Variants in NXPE4 observed in about 807,000 individuals in gnomAD.
NXPE4 encodes the protein NXPE family member 4.
A neutral mutation model predicts 33.3 loss-of-function variants in NXPE4; 42 were observed. That is an observed-to-expected ratio of 1.26 (90% CI 0.98 to 1.63). NXPE4 has a LOEUF of 1.63. Ranked by LOEUF, NXPE4 falls within the 40% of genes most tolerant of loss-of-function variation. The pLI, the probability that NXPE4 is intolerant of heterozygous loss-of-function variation, is 0.00. For synonymous variants in NXPE4, 253 were observed against 234.9 expected, an observed-to-expected ratio of 1.08 and a Z score of -0.71; for missense variants, 709 against 647.6, an observed-to-expected ratio of 1.09 and a Z score of -1.03.
chr11:114,638,223 A>G, the NXPE4 span, among the ~76,000 whole-genome samples: 1 of 151,850 alleles, frequency 6.6e-6, no homozygotes, highest in Non-Finnish European at 1.5e-5. Context: ...TTCGTCTTTC[A>G]TCACTGATAC....
At chr11:114,578,268 A>G (rs1352909281) in intron 5 of NXPE4, among the ~76,000 whole-genome samples, 6 of 152,194 alleles carry the variant, frequency 3.9e-5, no homozygotes, top group African/African-American at 1.4e-4. Context: ...CTTCCAACTT[A>G]CTTCAGTTTT....
chr11:114,576,473 G>C (rs185110280), intron 5 of NXPE4, among the ~76,000 whole-genome samples: 39 of 151,866 alleles, frequency 2.6e-4, no homozygotes, highest in Admixed American at 1.3e-4. Context: ...CTCATATCCA[G>C]AATCTACAAA....
At chr11:114,580,976 A>G (rs1335783182) in intron 4 of NXPE4, among the ~76,000 whole-genome samples, 2 of 152,296 alleles carry the variant, frequency 1.3e-5, no homozygotes, top group Non-Finnish European at 2.9e-5. Context: ...ATCAACTGAG[A>G]GAAGTAGTTT....
At chr11:114,644,834 A>G in the NXPE4 span, among the ~76,000 whole-genome samples, 18 of 152,212 alleles carry the variant, frequency 1.2e-4, no homozygotes, top group Admixed American at 9.8e-4. Flanking sequence ...TTAAAAAAAA[A>G]AACTGTAATT....
At chr11:114,650,465 G>A in the NXPE4 span, among the ~76,000 whole-genome samples, 2 of 152,268 alleles carry the variant, frequency 1.3e-5, no homozygotes, top group Non-Finnish European at 2.9e-5. Flanking sequence ...CAGGCATGAA[G>A]GAAGTAATTG....
the NXPE4 span, among the ~76,000 whole-genome samples, chr11:114,641,227 A>G: frequency 2.6e-5 from 4 of 152,032 alleles, no homozygotes; most frequent in African/African-American, 9.7e-5. Context: ...AACATGAAAG[A>G]CAAGTTTAAA....
At position 114,581,736 on chromosome 11, in the gene NXPE4, G is replaced by A. The variant is rs770905307; in HGVS notation, c.881C>T (p.Ser294Phe). The A allele has an allele frequency of 2.5e-6, 4 of 1,611,838 alleles. No homozygotes were observed. In the Admixed American group the frequency reaches 6.7e-5, roughly 27 times the overall value. The change falls in exon 4 of 6, where the codon TCC (serine) becomes TTC (phenylalanine). Residue 294 changes from serine (S) to phenylalanine (F), a missense_variant. Transcript: ENST00000375478. ...IMEKFNTISVSKCNKETVAMK... is the reference protein window; with the variant it reads ...IMEKFNTISVFKCNKETVAMK... Reference sequence around the variant, plus strand: ...ACAGGAGTACTTACTGTTGCATTTGGAGACACTAATTGTATTGAATTTTTC... The same window carrying A: ...ACAGGAGTACTTACTGTTGCATTTGAAGACACTAATTGTATTGAATTTTTC...
the NXPE4 span, among the ~76,000 whole-genome samples, chr11:114,610,837 G>T: frequency 2.0e-5 from 3 of 151,856 alleles, no homozygotes; most frequent in African/African-American, 7.2e-5. Context: ...TGGATAATAA[G>T]TATTGCCTCT....
chr11:114,605,160 A>T, the NXPE4 span, among the ~76,000 whole-genome samples: 1 of 151,754 alleles, frequency 6.6e-6, no homozygotes, highest in South Asian at 2.1e-4. Flanking sequence ...TCCCAGGGAT[A>T]ATAAGTGTTG....
At chr11:114,615,157 C>G in the NXPE4 span, among the ~76,000 whole-genome samples, 1 of 151,780 alleles carries the variant, frequency 6.6e-6, no homozygotes, top group African/African-American at 2.4e-5. Context: ...TGTAACCACT[C>G]TTACCAGGTG....
At chr11:114,637,857 T>G in the NXPE4 span, among the ~76,000 whole-genome samples, 1 of 152,060 alleles carries the variant, frequency 6.6e-6, no homozygotes, top group South Asian at 2.1e-4. Context: ...GGGCTTCCCT[T>G]TGAGGGTAAC....
At chr11:114,638,946 C>G in the NXPE4 span, among the ~76,000 whole-genome samples, 1 of 152,010 alleles carries the variant, frequency 6.6e-6, no homozygotes, top group African/African-American at 2.4e-5. Flanking sequence ...GCAGTCTGCC[C>G]ATTTTCAGAT....
chr11:114,662,970 A>G, the NXPE4 span, among the ~76,000 whole-genome samples: 24 of 152,252 alleles, frequency 1.6e-4, no homozygotes, highest in African/African-American at 5.8e-4. Context: ...CTCAGCCACA[A>G]TGGAGGAGAG....
chr11:114,632,993 A>G, the NXPE4 span, among the ~76,000 whole-genome samples: 1 of 103,660 alleles, frequency 9.6e-6, no homozygotes, highest in Non-Finnish European at 1.7e-5. Context: ...TTTTTATATA[A>G]TATATAATAA....
chr11:114,631,407 G>C, the NXPE4 span, among the ~76,000 whole-genome samples: 1 of 151,142 alleles, frequency 6.6e-6, no homozygotes, highest in Non-Finnish European at 1.5e-5. Context: ...ATCATTCTCA[G>C]TAAACTATCG....
chr11:114,575,352 C>A (rs1948973228), intron 5 of NXPE4, among the ~76,000 whole-genome samples: 1 of 151,980 alleles, frequency 6.6e-6, no homozygotes, highest in South Asian at 2.1e-4. Context: ...AGCAATCAGA[C>A]AAAAGGAAGA....
At chr11:114,672,842 A>C in the NXPE4 span, among the ~76,000 whole-genome samples, 2 of 151,774 alleles carry the variant, frequency 1.3e-5, no homozygotes, top group Non-Finnish European at 2.9e-5. Context: ...AAAGAAATAG[A>C]CAATTCAACA....
chr11:114,669,001 G>A, the NXPE4 span, among the ~76,000 whole-genome samples: 18 of 152,028 alleles, frequency 1.2e-4, no homozygotes, highest in Non-Finnish European at 2.5e-4. Flanking sequence ...TCTATAGAGT[G>A]GTAGCCATGA....
the NXPE4 span, among the ~76,000 whole-genome samples, chr11:114,601,988 A>C: frequency 2.3e-5 from 2 of 86,052 alleles, no homozygotes; most frequent in Non-Finnish European, 4.0e-5. Context: ...TATATATAAT[A>C]TATAATGTAT....
Sources: allele counts gnomAD v4.1 joint callset (sites outside exome capture counted in the v4.1 genomes callset), GRCh38; gene constraint gnomAD v4.1.1; transcripts MANE v1.5; gene names NCBI Gene and HGNC (gene_info 2026-07-23, HGNC 2026-07-21).